The following MAP4K4 variants were observed in gnomAD, a reference collection of about 807,000 sequenced individuals.
The protein encoded by MAP4K4 is HPK/GCK-like kinase HGK.
MAP4K4 carries 38 observed loss-of-function variants against 189.6 expected under a neutral mutation model. The observed-to-expected ratio is 0.20, with a 90% CI of 0.15 to 0.26. The LOEUF is 0.26. Among genes scored for constraint, MAP4K4 ranks in the 10% least tolerant of loss-of-function variants. The pLI, the probability that MAP4K4 is intolerant of heterozygous loss-of-function variation, is 1.00. For missense variants in MAP4K4, 1,054 were observed against 1,726.9 expected (o/e 0.61, Z 6.91); for synonymous variants, 610 against 624.3 (o/e 0.98, Z 0.34).
intron 2 of MAP4K4, among the ~76,000 whole-genome samples, chr2:101,724,022 C>T (rs1352830439): frequency 6.6e-6 from 1 of 152,172 alleles, no homozygotes; most frequent in African/African-American, 2.4e-5. Flanking sequence ...ATAGTGAAAA[C>T]CTCAATCATG....
chr2:101,789,118 T>C (rs1285561173), intron 2 of MAP4K4, among the ~76,000 whole-genome samples: 13 of 152,198 alleles, frequency 8.5e-5, no homozygotes, highest in Admixed American at 7.9e-4. Flanking sequence ...CAGCGAGAAA[T>C]ATGCTTTAGT....
At chr2:101,838,891 A>G (rs1188709187) in intron 9 of MAP4K4, among the ~76,000 whole-genome samples, 2 of 152,204 alleles carry the variant, frequency 1.3e-5, no homozygotes. Context: ...TTTATTCCAT[A>G]CCTATTGTGG....
At chr2:101,781,882 T>C (rs983336107) in intron 2 of MAP4K4, among the ~76,000 whole-genome samples, 4 of 152,208 alleles carry the variant, frequency 2.6e-5, no homozygotes, top group Admixed American at 2.0e-4. Context: ...GGAACTGAGC[T>C]TGCTGTCTGG....
At chr2:101,866,007 G>GT (rs1484337187) in intron 18 of MAP4K4, among the ~76,000 whole-genome samples, 1 of 152,198 alleles carries the variant, frequency 6.6e-6, no homozygotes, top group East Asian at 1.9e-4. Flanking sequence ...ACTATTCTTT[G>GT]TAAGTGTCAG....
chr2:101,725,949 TG>T (rs1181068986), intron 2 of MAP4K4, among the ~76,000 whole-genome samples: 3 of 151,944 alleles, frequency 2.0e-5, no homozygotes, highest in Admixed American at 2.0e-4. Flanking sequence ...ACGTTTATTT[TG>T]GCAGAAATCT....
At chr2:101,838,968 A>G (rs1279652347) in intron 9 of MAP4K4, among the ~76,000 whole-genome samples, 1 of 152,218 alleles carries the variant, frequency 6.6e-6, no homozygotes, top group Non-Finnish European at 1.5e-5. Flanking sequence ...GACGTGTACC[A>G]TTTCAACCTT....
intron 2 of MAP4K4, among the ~76,000 whole-genome samples, chr2:101,706,286 G>A (rs1381338841): frequency 6.6e-6 from 1 of 152,178 alleles, no homozygotes; most frequent in Non-Finnish European, 1.5e-5. Context: ...TATTGAACTA[G>A]TTAGTTCAAT....
intron 2 of MAP4K4, among the ~76,000 whole-genome samples, chr2:101,783,512 A>G (rs1333436866): frequency 6.6e-6 from 1 of 152,208 alleles, no homozygotes; most frequent in Non-Finnish European, 1.5e-5. Context: ...TTAAAAAGGC[A>G]TGGATTCCTA....
chr2:101,783,239 C>G (rs1462357981), intron 2 of MAP4K4, among the ~76,000 whole-genome samples: 1 of 150,904 alleles, frequency 6.6e-6, no homozygotes, highest in Non-Finnish European at 1.5e-5. Flanking sequence ...CCTGTCCTTT[C>G]AATTCTTGGA....
chr2:101,713,150 C>G (rs1401575337), intron 2 of MAP4K4, among the ~76,000 whole-genome samples: 1 of 151,584 alleles, frequency 6.6e-6, no homozygotes, highest in Non-Finnish European at 1.5e-5. Flanking sequence ...GGTGATCCAC[C>G]CACCTCCTCG....
At chr2:101,715,019 C>T (rs915211422) in intron 2 of MAP4K4, among the ~76,000 whole-genome samples, 14 of 152,134 alleles carry the variant, frequency 9.2e-5, no homozygotes, top group African/African-American at 3.1e-4. Flanking sequence ...TCCATACCTG[C>T]ATTAGTCTGT....
At chr2:101,792,608 T>A (rs13430218) in intron 3 of MAP4K4, among the ~76,000 whole-genome samples, 1 of 149,016 alleles carries the variant, frequency 6.7e-6, no homozygotes, top group East Asian at 2.0e-4. Context: ...CTCCTCCTCC[T>A]CCTCCTCCTC....
At chr2:101,876,145 C>T (rs187170400) in intron 26 of MAP4K4, among the ~76,000 whole-genome samples, 1 of 152,096 alleles carries the variant, frequency 6.6e-6, no homozygotes, top group African/African-American at 2.4e-5. Context: ...ATAGAAGCAG[C>T]CAAGTCGCGA....
intron 6 of MAP4K4, chr2:101,829,854 A>C: frequency 2.9e-6 from 1 of 343,186 alleles, no homozygotes; most frequent in East Asian, 5.3e-5. Flanking sequence ...TTTCCTGCTT[A>C]AAGAACCTTA....
At position 101,844,091 on chromosome 2, in the gene MAP4K4, T is replaced by C; in HGVS notation, c.1023-10T>C. 14 of 1,606,156 alleles carry C rather than the reference T, an allele frequency of 8.7e-6. No individual in the cohort carries two copies. Among genetic ancestry groups the C allele is most frequent in the South Asian group, 1.1e-5 (1 of 89,504 alleles). ...GTGCACACCCCTGAAAGCCCTGCTT[T>C]TTCCAACAGTTCCATTGTGAACGTG... is the stretch of plus-strand genomic sequence containing the variant. On this transcript the variant is annotated splice_polypyrimidine_tract_variant and intron_variant, in intron 11 of 32. Transcript: ENST00000324219.
chr2:101,829,035 T>C (rs1028131804), intron 5 of MAP4K4, among the ~76,000 whole-genome samples: 5 of 152,174 alleles, frequency 3.3e-5, no homozygotes, highest in African/African-American at 9.7e-5. Context: ...ACTTAGCAGT[T>C]TGTCACTGTG....
At chr2:101,797,570 G>T (rs1361367091) in intron 3 of MAP4K4, among the ~76,000 whole-genome samples, 1 of 152,016 alleles carries the variant, frequency 6.6e-6, no homozygotes, top group East Asian at 1.9e-4. Context: ...AACCTGATTT[G>T]AATGATCTTT....
At chr2:101,859,528 T>TA in intron 14 of MAP4K4, 115 bp from the exon 15 acceptor site, 1 of 816,454 alleles carries the variant, frequency 1.2e-6, no homozygotes, top group Non-Finnish European at 1.9e-6. Context: ...TTTGCTTTCT[T>TA]ACAAAACACA....
intron 3 of MAP4K4, among the ~76,000 whole-genome samples, chr2:101,823,402 C>CTA (rs1187243963): frequency 3.3e-5 from 5 of 152,208 alleles, no homozygotes; most frequent in Admixed American, 3.3e-4. Flanking sequence ...CCGTCACAGA[C>CTA]TACACCTCCA....
Sources: gnomAD v4.1 joint callset for allele counts (sites outside exome capture counted in the v4.1 genomes callset) on GRCh38, gnomAD v4.1.1 for gene constraint, MANE v1.5 for transcripts, NCBI Gene and HGNC (gene_info 2026-07-23, HGNC 2026-07-21) for gene names.